ATG10: variants seen among roughly 807,000 people sequenced by gnomAD.
ATG10 encodes autophagy related 10, also known as ubiquitin-like-conjugating enzyme ATG10.
In ATG10, 30 loss-of-function variants were observed where a neutral mutation model predicts 32.1. The observed-to-expected ratio is 0.94, with a 90% CI of 0.70 to 1.27. The LOEUF (loss-of-function observed/expected upper bound fraction) is 1.27. Ranked by LOEUF, ATG10 falls within the 50% of genes most tolerant of loss-of-function variation. The pLI is 0.00. For synonymous variants in ATG10, 87 were observed against 91.5 expected, an observed-to-expected ratio of 0.95 and a Z score of 0.28; for missense variants, 233 against 262.3, an observed-to-expected ratio of 0.89 and a Z score of 0.77.
chr5:82,101,536 A>G lies in ATG10; in HGVS notation c.216+42934A>G, dbSNP rs547940854. 2.2e-3 allele frequency among the ~76,000 whole-genome samples: 341 copies of G among 152,300 alleles called. 1 individual carries two copies. Among genetic ancestry groups the G allele is most frequent in the African/African-American group, 7.9e-3 (329 of 41,564 alleles). ...TATTAGGGAAGAAGGAGGACAATGGATATTGAGAGGCAAATAGCTTGGTAT... is the reference window on the plus strand; with the variant it reads ...TATTAGGGAAGAAGGAGGACAATGGGTATTGAGAGGCAAATAGCTTGGTAT... On this transcript the variant is annotated intron_variant, in intron 3 of 7. Transcript: ENST00000282185.
intron 1 of ATG10, among the ~76,000 whole-genome samples, chr5:81,978,986 G>A (rs962037270): frequency 1.3e-5 from 2 of 151,866 alleles, no homozygotes; most frequent in African/African-American, 4.8e-5. Flanking sequence ...TGCAACTTTC[G>A]CCTCCTGGGT....
intron 2 of ATG10, among the ~76,000 whole-genome samples, chr5:82,045,899 T>A (rs993527613): frequency 6.6e-6 from 1 of 151,986 alleles, no homozygotes; most frequent in African/African-American, 2.4e-5. Flanking sequence ...ATGACCTCAG[T>A]AAAGTTTTCA....
chr5:82,167,122 C>T (rs925622449), intron 4 of ATG10, among the ~76,000 whole-genome samples: 1 of 152,116 alleles, frequency 6.6e-6, no homozygotes, highest in African/African-American at 2.4e-5. Context: ...CAGTTTCCAC[C>T]AGGCCAATTA....
At chr5:81,974,668 T>G (rs1760818866) in intron 1 of ATG10, among the ~76,000 whole-genome samples, 1 of 152,256 alleles carries the variant, frequency 6.6e-6, no homozygotes, top group Admixed American at 6.5e-5. Context: ...GCAGTGGCTA[T>G]TTAGAGGCAC....
intron 3 of ATG10, among the ~76,000 whole-genome samples, chr5:82,104,341 A>T (rs1338186660): frequency 6.6e-6 from 1 of 152,114 alleles, no homozygotes; most frequent in Non-Finnish European, 1.5e-5. Context: ...TTATCTTTCC[A>T]TAGGGTGAAT....
At chr5:81,985,371 A>G (rs1761229823) in intron 1 of ATG10, among the ~76,000 whole-genome samples, 1 of 152,044 alleles carries the variant, frequency 6.6e-6, no homozygotes, top group African/African-American at 2.4e-5. Context: ...TCTCTGATTG[A>G]TGAAATGGGT....
chr5:82,113,857 G>C (rs1765693897), intron 3 of ATG10, among the ~76,000 whole-genome samples: 1 of 151,636 alleles, frequency 6.6e-6, no homozygotes, highest in South Asian at 2.1e-4. Flanking sequence ...ACTTCTTACT[G>C]GTTTATGAGA....
chr5:82,078,847 A>G (rs910068448), intron 3 of ATG10: 2 of 152,266 alleles, frequency 1.3e-5, no homozygotes, highest in African/African-American at 4.8e-5. Context: ...GTAAAGGTGG[A>G]GTGCATATCA....
At chr5:82,175,348 G>A (rs550158291) in intron 4 of ATG10, among the ~76,000 whole-genome samples, 2 of 152,232 alleles carry the variant, frequency 1.3e-5, no homozygotes, top group Admixed American at 1.3e-4. Flanking sequence ...GTCTCACTTT[G>A]TTGCCCAGGC....
chr5:82,149,372 A>G (rs1041697806), intron 3 of ATG10, among the ~76,000 whole-genome samples: 15 of 147,706 alleles, frequency 1.0e-4, no homozygotes, highest in Admixed American at 1.0e-3. Flanking sequence ...GATTATTTAC[A>G]CTCACATCAA....
chr5:81,975,729 G>C (rs943411864), intron 1 of ATG10, among the ~76,000 whole-genome samples: 6 of 151,790 alleles, frequency 4.0e-5, no homozygotes, highest in Admixed American at 2.6e-4. Flanking sequence ...TGGGGGCTCA[G>C]TGTAATATTT....
At chr5:82,102,002 T>G (rs1405343492) in intron 3 of ATG10, among the ~76,000 whole-genome samples, 1 of 152,208 alleles carries the variant, frequency 6.6e-6, no homozygotes, top group Admixed American at 6.5e-5. Flanking sequence ...ACTGTTGAAA[T>G]AAGATTCTGT....
At chr5:82,015,816 T>C (rs1762269918) in intron 2 of ATG10, among the ~76,000 whole-genome samples, 1 of 152,236 alleles carries the variant, frequency 6.6e-6, no homozygotes, top group Admixed American at 6.5e-5. Context: ...TGAAGACTTC[T>C]TCTCTCAACT....
At chr5:82,220,908 C>T (rs749980302) in intron 5 of ATG10, among the ~76,000 whole-genome samples, 4 of 152,204 alleles carry the variant, frequency 2.6e-5, no homozygotes, top group Non-Finnish European at 4.4e-5. Context: ...CAGGCACGTG[C>T]CACCATGCCT....
intron 4 of ATG10, among the ~76,000 whole-genome samples, chr5:82,170,968 G>A (rs1743786216): frequency 6.6e-6 from 1 of 152,110 alleles, no homozygotes; most frequent in Admixed American, 6.5e-5. Context: ...AGTGTCTTCT[G>A]CTTTAGAACC....
At position 82,072,145 on chromosome 5, in the gene ATG10, G is replaced by A. The variant is rs148136243; in HGVS notation, c.216+13543G>A. Among the ~76,000 whole-genome samples the A allele has an allele frequency of 1.8e-4, 27 of 152,282 alleles. 1 individual carries two copies. In the East Asian group the frequency reaches 4.8e-3, roughly 27 times the overall value. On this transcript the variant is annotated intron_variant, in intron 3 of 7. Coordinates refer to ENST00000282185, the MANE Select transcript of ATG10 (RefSeq NM_031482.5). ...TTGACTGTGTCAAGAGGTTTGAGGGGTTAGGCAAAGCTAAGAGGTAGTATG... is the reference window on the plus strand; with the variant it reads ...TTGACTGTGTCAAGAGGTTTGAGGGATTAGGCAAAGCTAAGAGGTAGTATG...
At chr5:82,006,686 CTT>C (rs908562559) in intron 2 of ATG10, among the ~76,000 whole-genome samples, 2 of 152,082 alleles carry the variant, frequency 1.3e-5, no homozygotes, top group African/African-American at 4.8e-5. Flanking sequence ...AATTTACCAT[CTT>C]AACCACTTTA....
intron 2 of ATG10, among the ~76,000 whole-genome samples, chr5:81,990,093 A>G (rs1012823115): frequency 6.6e-6 from 1 of 152,130 alleles, no homozygotes; most frequent in African/African-American, 2.4e-5. Context: ...TGTTTTTTAA[A>G]TTGACTTCTT....
chr5:82,150,156 A>T (rs561532635), intron 3 of ATG10, among the ~76,000 whole-genome samples: 3 of 152,084 alleles, frequency 2.0e-5, no homozygotes, highest in African/African-American at 7.2e-5. Context: ...GAATGCTTTT[A>T]CATGAATGCA....
Sources: allele counts gnomAD v4.1 joint callset (sites outside exome capture counted in the v4.1 genomes callset), GRCh38; gene constraint gnomAD v4.1.1; transcripts MANE v1.5; gene names NCBI Gene and HGNC (gene_info 2026-07-23, HGNC 2026-07-21).